PCDHA4: variants seen among roughly 807,000 people sequenced by gnomAD.
The protein encoded by PCDHA4 is protocadherin alpha-4.
PCDHA4 carries 49 observed loss-of-function variants against 61.4 expected under a neutral mutation model. That is an observed-to-expected ratio of 0.80 (90% CI 0.63 to 1.01). PCDHA4 has a LOEUF of 1.01. PCDHA4 is among the 50% of genes least tolerant of loss of function. PCDHA4 has a pLI of 0.00. For missense variants in PCDHA4, 1,254 were observed against 1,235.8 expected (o/e 1.01, Z -0.22); for synonymous variants, 590 against 550.3 (o/e 1.07, Z -1.01).
intron 1 of PCDHA4, chr5:140,829,613 A>G (rs2150171256): frequency 4.3e-6 from 7 of 1,611,960 alleles, no homozygotes; most frequent in Middle Eastern, 2.1e-4. Context: ...GTCGAGCTAC[A>G]TTTCGGTGCA....
chr5:140,849,744 A>G lies in PCDHA4; in HGVS notation c.2385+40172A>G, dbSNP rs2150447733. On this transcript the variant is annotated intron_variant, in intron 1 of 3. Coordinates refer to ENST00000530339, the MANE Select transcript of PCDHA4 (RefSeq NM_018907.4). ...GCTGGACAGAGCTCTGGACCGCGAG[A>G]GTGTGTCCGCCTACGAGCTGGTGGT... The G allele has an allele frequency of 1.1e-5, 18 of 1,598,098 alleles. No homozygotes were observed. In the South Asian group the frequency reaches 1.4e-4, roughly 13 times the overall value.
At chr5:140,946,631 T>TATATATATAC (rs57893927) in intron 1 of PCDHA4, among the ~76,000 whole-genome samples, 18,480 of 131,524 alleles carry the variant, frequency 0.14, 1,838 homozygotes, top group East Asian at 0.38. Context: ...TATATATATA[T>TATATATATAC]ACAATGGAAT....
At chr5:140,934,430 G>A (rs1249557283) in intron 1 of PCDHA4, among the ~76,000 whole-genome samples, 1 of 152,108 alleles carries the variant, frequency 6.6e-6, no homozygotes, top group Non-Finnish European at 1.5e-5. Context: ...CAATGCAAGT[G>A]TAAATATAGT....
chr5:140,906,662 G>A (rs1186000828), intron 1 of PCDHA4, among the ~76,000 whole-genome samples: 1 of 152,200 alleles, frequency 6.6e-6, no homozygotes, highest in Non-Finnish European at 1.5e-5. Context: ...TCCTGGTGTA[G>A]TGACCCAAAC....
At chr5:140,870,122 T>G in intron 1 of PCDHA4, 1 of 1,613,956 alleles carries the variant, frequency 6.2e-7, no homozygotes. Flanking sequence ...GTGGAAATCT[T>G]GGACACCAAC....
intron 1 of PCDHA4, among the ~76,000 whole-genome samples, chr5:140,908,608 G>T (rs1350424326): frequency 6.6e-6 from 1 of 152,182 alleles, no homozygotes; most frequent in African/African-American, 2.4e-5. Flanking sequence ...GAAGGGCCTT[G>T]CTCCAAAATC....
chr5:141,005,701 C>CAAAAAAAA (rs59860837), intron 3 of PCDHA4, among the ~76,000 whole-genome samples: 3 of 7,792 alleles, frequency 3.9e-4, no homozygotes, highest in East Asian at 6.4e-3. Flanking sequence ...AACTCCGTCT[C>CAAAAAAAA]AAAAAAAAAA....
At position 140,843,775 on chromosome 5, in the gene PCDHA4, A is replaced by C. The variant is rs2150366589; in HGVS notation, c.2385+34203A>C. On this transcript the variant is annotated intron_variant, in intron 1 of 3. Coordinates refer to ENST00000530339, the MANE Select transcript of PCDHA4 (RefSeq NM_018907.4). The stretch of plus-strand genomic sequence containing the variant: ...ATTTGTGGAAATTGTAGTTACTTTA[A>C]AAGTGTTTCAGATTTAGTTTTTCAC... 8 of 1,450,698 alleles carry C rather than the reference A, an allele frequency of 5.5e-6. No homozygotes were observed. In the South Asian group the frequency reaches 1.0e-4, roughly 18 times the overall value. The allele number at this position is 1,450,698 out of a possible 1,614,324, so 89.9% of individuals were successfully genotyped here.
chr5:140,990,148 A>T (rs1236453414), intron 3 of PCDHA4, among the ~76,000 whole-genome samples: 1 of 152,146 alleles, frequency 6.6e-6, no homozygotes, highest in African/African-American at 2.4e-5. Flanking sequence ...AGGCATAATA[A>T]TAGAAAGTTA....
chr5:140,980,432 C>A (rs1228010505), intron 2 of PCDHA4, among the ~76,000 whole-genome samples: 1 of 152,118 alleles, frequency 6.6e-6, no homozygotes, highest in East Asian at 1.9e-4. Context: ...GAGATCGAGA[C>A]CATCCTGGAC....
chr5:140,843,665 T>G (rs2150364674), intron 1 of PCDHA4: 2 of 1,593,538 alleles, frequency 1.3e-6, no homozygotes, highest in South Asian at 1.1e-5. Flanking sequence ...TGATCTGGGA[T>G]CAGTTGATGT....
At position 140,978,807 on chromosome 5, in the gene PCDHA4, A is replaced by G. The variant is rs1489269679; in HGVS notation, c.2386-142A>G. 3.3e-6 allele frequency: 5 copies of G among 1,494,726 alleles called. No individual in the cohort carries two copies. In the African/African-American group the frequency reaches 4.2e-5, roughly 12 times the overall value. The allele number at this position is 1,494,726 out of a possible 1,614,324, so 92.6% of individuals were successfully genotyped here. A position where few individuals can be genotyped will look rare whatever the true frequency, so the allele number is the denominator to read the frequency against. ...AAGTGCTATATATGTAGATATCATC[A>G]TAGAGTTACACATGAAATGGCTCAT... On this transcript the variant is annotated intron_variant, in intron 1 of 3. Coordinates refer to ENST00000530339, the MANE Select transcript of PCDHA4 (RefSeq NM_018907.4).
Position 140,923,938 on chromosome 5 carries a change from CT to C in PCDHA4, c.2386-55005del, listed in dbSNP as rs1340709876. 2.6e-5 allele frequency among the ~76,000 whole-genome samples: 4 copies of C among 152,122 alleles called. No homozygotes were observed. In the East Asian group the frequency reaches 7.7e-4, roughly 29 times the overall value. On this transcript the variant is annotated intron_variant, in intron 1 of 3. Coordinates refer to ENST00000530339, the MANE Select transcript of PCDHA4 (RefSeq NM_018907.4). ...ATACTGTTCTCTGTATGCATTTTTC[CT>C]TTTTTCCTCACGCCCTAATCTATAC... is the stretch of plus-strand genomic sequence containing the variant.
Position 140,869,241 on chromosome 5 carries a change from C to T in PCDHA4, c.2385+59669C>T, listed in dbSNP as rs782686549. 1.9e-6 allele frequency: 3 copies of T among 1,613,628 alleles called. No homozygotes were observed. In the South Asian group the frequency reaches 3.3e-5, roughly 18 times the overall value. ...AGGCCAAACACGGCACCTTCGTGGGCCGCATCGCGCAGGACCTGGGGCTGG... is the reference window on the plus strand; with the variant it reads ...AGGCCAAACACGGCACCTTCGTGGGTCGCATCGCGCAGGACCTGGGGCTGG... On this transcript the variant is annotated intron_variant, in intron 1 of 3. Transcript: ENST00000530339.
chr5:140,923,551 T>C (rs1398661049), intron 1 of PCDHA4, among the ~76,000 whole-genome samples: 1 of 152,146 alleles, frequency 6.6e-6, no homozygotes, highest in Non-Finnish European at 1.5e-5. Flanking sequence ...AAATGAAATA[T>C]CAGCAATGAA....
intron 1 of PCDHA4, among the ~76,000 whole-genome samples, chr5:140,973,003 C>T (rs1417207719): frequency 4.0e-5 from 6 of 151,856 alleles, no homozygotes; most frequent in African/African-American, 7.3e-5. Flanking sequence ...CATTTGTGGT[C>T]GTGGTGTTGT....
At chr5:140,835,852 T>C (rs1554135337) in intron 1 of PCDHA4, 1 of 1,612,246 alleles carries the variant, frequency 6.2e-7, no homozygotes, top group Non-Finnish European at 8.5e-7. Context: ...AACGCGCTGG[T>C]GTCCTACTCG....
Position 140,809,052 on chromosome 5 carries a change from TC to T in PCDHA4, c.1867del (p.Arg623AlafsTer29), listed in dbSNP as rs1764348269. On this transcript the variant is annotated frameshift_variant, in exon 1 of 4. Transcript: ENST00000530339. LOFTEE classifies it high-confidence loss of function. ...QPGTGGARIPFRVGLYTGEIS... is the reference protein window; with the variant it reads ...QPGTGGARIPXRVGLYTGEIS... ...GGGACTGGTGGCGCGCGCATCCCGTTCCGCGTGGGGCTGTACACTGGCGAGA... is the reference window on the plus strand; with the variant it reads ...GGGACTGGTGGCGCGCGCATCCCGTTCGCGTGGGGCTGTACACTGGCGAGA... 5.0e-6 allele frequency: 8 copies of T among 1,613,874 alleles called. No homozygotes were observed. The East Asian group carries it at 1.8e-4, about 36-fold the overall frequency.
chr5:140,875,438 T>A, intron 1 of PCDHA4: 1 of 1,568,134 alleles, frequency 6.4e-7, no homozygotes, highest in Non-Finnish European at 8.6e-7. Flanking sequence ...CCCTTAAAAC[T>A]GATTGTCCCA....
Sources: gnomAD v4.1 joint callset for allele counts (sites outside exome capture counted in the v4.1 genomes callset) on GRCh38, gnomAD v4.1.1 for gene constraint, MANE v1.5 for transcripts, NCBI Gene and HGNC (gene_info 2026-07-23, HGNC 2026-07-21) for gene names.